The following PLCE1 variants were observed in gnomAD, a reference collection of about 807,000 sequenced individuals.
The protein encoded by PLCE1 is phospholipase C epsilon 1.
PLCE1 carries 119 observed loss-of-function variants against 242.8 expected under a neutral mutation model. The ratio of observed to expected loss-of-function variants is 0.49; its 90% CI spans 0.42 to 0.57. The LOEUF is 0.57. Ranked by LOEUF, PLCE1 falls within the 20% of genes least tolerant of loss-of-function variation. The pLI is 0.00. For synonymous variants in PLCE1, 945 were observed against 1,017.4 expected (o/e 0.93, Z 1.35); for missense variants, 2,441 against 2,788.8 (o/e 0.88, Z 2.81).
At chr10:94,244,113 CT>C (rs908010422) in intron 7 of PLCE1, among the ~76,000 whole-genome samples, 5 of 151,386 alleles carry the variant, frequency 3.3e-5, no homozygotes, top group African/African-American at 9.7e-5. Flanking sequence ...TTGTGGTAGA[CT>C]TTTTTTTTAA....
intron 1 of PLCE1, among the ~76,000 whole-genome samples, chr10:94,028,323 G>C (rs1186357734): frequency 6.6e-6 from 1 of 152,170 alleles, no homozygotes; most frequent in Non-Finnish European, 1.5e-5. Flanking sequence ...CCGCTTCCAA[G>C]ATGGCGCACT....
intron 3 of PLCE1, among the ~76,000 whole-genome samples, chr10:94,170,822 T>A (rs1165408245): frequency 6.6e-6 from 1 of 152,228 alleles, no homozygotes; most frequent in Non-Finnish European, 1.5e-5. Context: ...CCTACCCTCA[T>A]TTCATGTCAT....
At chr10:94,156,492 C>T (rs1810030423) in intron 3 of PLCE1, among the ~76,000 whole-genome samples, 1 of 152,180 alleles carries the variant, frequency 6.6e-6, no homozygotes, top group South Asian at 2.1e-4. Flanking sequence ...AATGAACAGC[C>T]AGATGAAGAG....
chr10:94,019,869 A>G (rs1186164239), intron 1 of PLCE1, among the ~76,000 whole-genome samples: 1 of 152,154 alleles, frequency 6.6e-6, no homozygotes, highest in East Asian at 1.9e-4. Context: ...ATTGCTGAGT[A>G]GAATTTAGTT....
intron 4 of PLCE1, among the ~76,000 whole-genome samples, chr10:94,214,464 G>A (rs997007355): frequency 2.0e-5 from 3 of 152,138 alleles, no homozygotes; most frequent in Admixed American, 6.5e-5. Flanking sequence ...GTACTGGACA[G>A]ACTGCTGATT....
At chr10:94,192,360 T>C (rs933783332) in intron 4 of PLCE1, among the ~76,000 whole-genome samples, 25 of 152,148 alleles carry the variant, frequency 1.6e-4, no homozygotes, top group Admixed American at 5.9e-4. Context: ...CCCCCTCTAG[T>C]AGTTTCCAAT....
chr10:94,214,227 C>G (rs1445604108), intron 4 of PLCE1, among the ~76,000 whole-genome samples: 2 of 152,208 alleles, frequency 1.3e-5, no homozygotes, highest in Non-Finnish European at 2.9e-5. Flanking sequence ...GTCCAAGTGC[C>G]TTACTTGCCC....
chr10:94,050,437 G>A (rs2043731289), intron 2 of PLCE1, among the ~76,000 whole-genome samples: 1 of 152,080 alleles, frequency 6.6e-6, no homozygotes, highest in Non-Finnish European at 1.5e-5. Context: ...CCTCCCACCA[G>A]GACACTCCCT....
chr10:94,005,553 G>A (rs1397823526), intron 1 of PLCE1, among the ~76,000 whole-genome samples: 1 of 152,178 alleles, frequency 6.6e-6, no homozygotes, highest in African/African-American at 2.4e-5. Flanking sequence ...TTCCACCTCT[G>A]TGAGTGCAGT....
At chr10:94,317,727 G>T (rs1273919623) in intron 29 of PLCE1, among the ~76,000 whole-genome samples, 1 of 152,076 alleles carries the variant, frequency 6.6e-6, no homozygotes, top group African/African-American at 2.4e-5. Flanking sequence ...CTTAATTGAT[G>T]AAGCACTTTT....
At chr10:94,095,471 C>T (rs1325121904) in intron 2 of PLCE1, among the ~76,000 whole-genome samples, 1 of 152,184 alleles carries the variant, frequency 6.6e-6, no homozygotes, top group Non-Finnish European at 1.5e-5. Flanking sequence ...ATCCTCTCAC[C>T]TCAGCCTCCT....
At chr10:94,051,698 A>C (rs2043771677) in intron 2 of PLCE1, among the ~76,000 whole-genome samples, 1 of 152,224 alleles carries the variant, frequency 6.6e-6, no homozygotes, top group Non-Finnish European at 1.5e-5. Flanking sequence ...AACTGAATAC[A>C]GTCCACAGTT....
chr10:94,053,025 C>T (rs1016795818), intron 2 of PLCE1, among the ~76,000 whole-genome samples: 11 of 152,162 alleles, frequency 7.2e-5, no homozygotes, highest in African/African-American at 2.7e-4. Flanking sequence ...CGTACTGTCC[C>T]AAATAACGCT....
At chr10:94,251,063 A>G (rs2050857162) in intron 8 of PLCE1, among the ~76,000 whole-genome samples, 1 of 152,174 alleles carries the variant, frequency 6.6e-6, no homozygotes, top group Non-Finnish European at 1.5e-5. Context: ...TCATGTGCCA[A>G]TCATTGGTCA....
At chr10:94,212,059 A>C (rs531898330) in intron 4 of PLCE1, among the ~76,000 whole-genome samples, 1 of 152,308 alleles carries the variant, frequency 6.6e-6, no homozygotes, top group African/African-American at 2.4e-5. Flanking sequence ...TAAAGCCTCC[A>C]AAAATCCTGC....
chr10:94,051,736 C>T (rs1161934826), intron 2 of PLCE1, among the ~76,000 whole-genome samples: 1 of 152,194 alleles, frequency 6.6e-6, no homozygotes, highest in Non-Finnish European at 1.5e-5. Context: ...TCAGTATTCT[C>T]ATCAACGTGA....
chr10:94,075,018 C>A (rs1489217083), intron 2 of PLCE1, among the ~76,000 whole-genome samples: 1 of 152,190 alleles, frequency 6.6e-6, no homozygotes, highest in East Asian at 1.9e-4. Flanking sequence ...CTGTTCTTGT[C>A]TTTGTGGATT....
intron 4 of PLCE1, among the ~76,000 whole-genome samples, chr10:94,174,333 T>C (rs2048066608): frequency 6.6e-6 from 1 of 152,138 alleles, no homozygotes; most frequent in Non-Finnish European, 1.5e-5. Context: ...TTTCAATTAA[T>C]AAATGTAGAA....
intron 2 of PLCE1, among the ~76,000 whole-genome samples, chr10:94,125,150 G>C (rs1257962604): frequency 6.6e-6 from 1 of 152,116 alleles, no homozygotes; most frequent in African/African-American, 2.4e-5. Context: ...CACTGTTCTA[G>C]ACACTGCAGA....
Sources: allele counts gnomAD v4.1 joint callset (sites outside exome capture counted in the v4.1 genomes callset), GRCh38; gene constraint gnomAD v4.1.1; transcripts MANE v1.5; gene names NCBI Gene and HGNC (gene_info 2026-07-23, HGNC 2026-07-21).